HYDIN: variants seen among roughly 807,000 people sequenced by gnomAD.
HYDIN encodes the protein axonemal central pair apparatus protein HYDIN.
Under a neutral mutation model 403.9 loss-of-function variants are expected in HYDIN, and 132 were observed. The observed-to-expected ratio is 0.33, with a 90% CI of 0.28 to 0.38. The LOEUF (loss-of-function observed/expected upper bound fraction) is 0.38, where lower values mean the gene tolerates loss of function less well. HYDIN is among the 10% of genes least tolerant of loss of function. The pLI is 1.00. For synonymous variants in HYDIN, 1,202 were observed against 1,891.7 expected (o/e 0.64, Z 9.46); for missense variants, 2,827 against 5,009.5 (o/e 0.56, Z 13.15).
intron 75 of HYDIN, among the ~76,000 whole-genome samples, chr16:70,841,863 C>T (rs565864915): frequency 2.7e-5 from 4 of 150,416 alleles, no homozygotes; most frequent in South Asian, 2.1e-4. Flanking sequence ...AACCATGAGC[C>T]GAAACATTTC....
chr16:70,936,888 A>G (rs951863336), intron 44 of HYDIN, among the ~76,000 whole-genome samples: 2 of 151,538 alleles, frequency 1.3e-5, no homozygotes, highest in East Asian at 3.9e-4. Context: ...CATGGTGCTC[A>G]GTCCGAAAGC....
At chr16:71,051,836 G>A (rs570320924) in intron 18 of HYDIN, among the ~76,000 whole-genome samples, 10 of 152,228 alleles carry the variant, frequency 6.6e-5, no homozygotes, top group Non-Finnish European at 1.0e-4. Context: ...AAAAGTCTAC[G>A]AACAGAATTA....
intron 45 of HYDIN, among the ~76,000 whole-genome samples, chr16:70,931,139 T>A (rs1033585043): frequency 6.6e-6 from 1 of 151,960 alleles, no homozygotes; most frequent in Non-Finnish European, 1.5e-5. Context: ...AAGCCATGAA[T>A]TTTCATACAT....
chr16:70,999,004 A>C (rs1163535596), intron 23 of HYDIN, among the ~76,000 whole-genome samples: 1 of 152,346 alleles, frequency 6.6e-6, no homozygotes, highest in African/African-American at 2.4e-5. Flanking sequence ...ACATTATTAT[A>C]CCACAGAATA....
At chr16:71,205,437 T>C (rs578207732) in intron 1 of HYDIN, among the ~76,000 whole-genome samples, 68 of 152,258 alleles carry the variant, frequency 4.5e-4, no homozygotes, top group South Asian at 2.1e-3. Flanking sequence ...CCTGTCCCCC[T>C]GAAACCCATC....
intron 1 of HYDIN, among the ~76,000 whole-genome samples, chr16:71,207,748 CA>C (rs1320405647): frequency 4.0e-5 from 6 of 149,480 alleles, no homozygotes; most frequent in East Asian, 3.9e-4. Flanking sequence ...CAAATAGAAA[CA>C]AAAAAAAAGC....
intron 4 of HYDIN, among the ~76,000 whole-genome samples, chr16:71,176,794 C>T (rs1185197782): frequency 2.0e-5 from 3 of 152,220 alleles, no homozygotes; most frequent in Non-Finnish European, 4.4e-5. Flanking sequence ...CAATTAAAAT[C>T]ACAAGTGTTC....
In HYDIN at chr16:71,156,867, C is replaced by A. The variant is rs373368963; in HGVS notation, c.717-4084G>T. ...ATCATCAAAGTTATTCTGATACCTA[C>A]TAGAGTTTTAGGTCAAATTTAACAA... On this transcript the variant is annotated intron_variant, in intron 6 of 85. Coordinates refer to ENST00000393567, the MANE Select transcript of HYDIN (RefSeq NM_001270974.2). 1.9e-3 allele frequency among the ~76,000 whole-genome samples: 285 copies of A among 151,912 alleles called. 5 individuals are homozygous for A. The highest frequency in any genetic ancestry group is 6.5e-3 in the African/African-American group (269 of 41,230).
At chr16:70,878,627 C>T (rs2040589767) in intron 62 of HYDIN, among the ~76,000 whole-genome samples, 1 of 148,972 alleles carries the variant, frequency 6.7e-6, no homozygotes, top group Non-Finnish European at 1.5e-5. Flanking sequence ...TGCTTACTAT[C>T]TCCTGTAGTA....
At chr16:71,192,348 T>G (rs1436704592) in intron 1 of HYDIN, among the ~76,000 whole-genome samples, 1 of 152,158 alleles carries the variant, frequency 6.6e-6, no homozygotes, top group South Asian at 2.1e-4. Context: ...GCCTTTCCCA[T>G]ACCCCAGCCA....
intron 10 of HYDIN, among the ~76,000 whole-genome samples, chr16:71,103,149 C>T (rs373268914): frequency 1.5e-5 from 1 of 65,082 alleles, no homozygotes; most frequent in Non-Finnish European, 2.5e-5. Context: ...ACTATTTCAG[C>T]GGAACCATGT....
intron 52 of HYDIN, among the ~76,000 whole-genome samples, chr16:70,902,845 C>CTTTTTTT (rs2076433033): frequency 9.2e-6 from 1 of 108,328 alleles, no homozygotes; most frequent in African/African-American, 4.9e-5. Flanking sequence ...TTTTGTCCCA[C>CTTTTTTT]TCTCTCTCTT....
In HYDIN at chr16:71,229,397, C is replaced by T. The variant is rs559029540; in HGVS notation, c.-24+1165G>A. 2.0e-5 allele frequency among the ~76,000 whole-genome samples: 3 copies of T among 152,302 alleles called. No homozygotes were observed. The East Asian group carries it at 5.8e-4, about 29-fold the overall frequency. ...AATTAATACTTACCATATAACCTATCAATCCTACTCCCAGGTATTTATCAA... is the reference window on the plus strand; with the variant it reads ...AATTAATACTTACCATATAACCTATTAATCCTACTCCCAGGTATTTATCAA... On this transcript the variant is annotated intron_variant, in intron 1 of 85. Transcript: ENST00000393567.
intron 1 of HYDIN, among the ~76,000 whole-genome samples, chr16:71,194,455 T>A (rs2087595269): frequency 2.0e-5 from 3 of 152,138 alleles, no homozygotes; most frequent in African/African-American, 7.2e-5. Context: ...GAAAGAGCTG[T>A]TAGCAGTAAT....
At chr16:71,175,884 A>G in intron 4 of HYDIN, 143 bp from the exon 5 acceptor site, 2 of 768,684 alleles carry the variant, frequency 2.6e-6, no homozygotes, top group Non-Finnish European at 4.6e-6. Context: ...AGGAGATGAT[A>G]GTACTTATCT....
intron 21 of HYDIN, among the ~76,000 whole-genome samples, chr16:71,020,716 T>G (rs905143447): frequency 6.6e-6 from 1 of 150,620 alleles, no homozygotes; most frequent in Non-Finnish European, 1.5e-5. Flanking sequence ...GGCTGAGGCA[T>G]GAAGATCACT....
intron 1 of HYDIN, among the ~76,000 whole-genome samples, chr16:71,201,428 C>T (rs1423967269): frequency 6.6e-6 from 1 of 152,150 alleles, no homozygotes. Context: ...TCCCCCCAAC[C>T]TCTTGCTGGA....
At position 70,991,324 on chromosome 16, in the gene HYDIN, G is replaced by A. The variant is rs1395841446; in HGVS notation, c.3858C>T (p.Ile1286=). 5 of 1,614,062 alleles carry A rather than the reference G, an allele frequency of 3.1e-6. No homozygotes were observed. The Admixed American group carries it at 6.7e-5, about 22-fold the overall frequency. ...CATGGAAAGGACACCGTACATCTGA[G>A]ATCACACTGGAAGCTTTCGTTTTTC... ...ELRKTKASSV[I]SDEIKISSTE... Residue 1286 remains isoleucine, a synonymous_variant, in exon 25 of 86, where the codon ATC becomes ATT. Coordinates refer to ENST00000393567, the MANE Select transcript of HYDIN (RefSeq NM_001270974.2).
chr16:70,979,019 G>T lies in HYDIN; in HGVS notation c.4533C>A (p.Phe1511Leu). The T allele has an allele frequency of 6.2e-7, 1 of 1,612,588 alleles. No individual in the cohort carries two copies. Reference protein sequence around the residue: ...NLTANEKYEMFLNQARKNTDK... With the variant: ...NLTANEKYEMLLNQARKNTDK... ...CTGTGTTTTTCCTGGCTTGATTCAA[G>T]AACATTTCATACTTTTCATTTGCTG... Residue 1511 changes from phenylalanine to leucine, a missense_variant, in exon 30 of 86, where the codon TTC becomes TTA. Coordinates refer to ENST00000393567, the MANE Select transcript of HYDIN (RefSeq NM_001270974.2).
Sources: gnomAD v4.1 joint callset for allele counts (sites outside exome capture counted in the v4.1 genomes callset) on GRCh38, gnomAD v4.1.1 for gene constraint, MANE v1.5 for transcripts, NCBI Gene and HGNC (gene_info 2026-07-23, HGNC 2026-07-21) for gene names.